RGS17: variants seen among roughly 807,000 people sequenced by gnomAD.
The protein encoded by RGS17 is regulator of G protein signaling 17, also known as regulator of G-protein signaling 17.
Under a neutral mutation model 25.5 loss-of-function variants are expected in RGS17, and 12 were observed. The ratio of observed to expected loss-of-function variants is 0.47; its 90% CI spans 0.30 to 0.76. The LOEUF is 0.76. Ranked by LOEUF, RGS17 falls within the 30% of genes least tolerant of loss-of-function variation. The pLI, the probability that RGS17 is intolerant of heterozygous loss-of-function variation, is 0.07. For synonymous variants in RGS17, 71 were observed against 76.9 expected (o/e 0.92, Z 0.40); for missense variants, 196 against 242.2 (o/e 0.81, Z 1.27).
At chr6:153,103,250 ATGG>A (rs1777331623) in intron 1 of RGS17, among the ~76,000 whole-genome samples, 1 of 152,260 alleles carries the variant, frequency 6.6e-6, no homozygotes, top group Non-Finnish European at 1.5e-5. Context: ...TTAAGGAATA[ATGG>A]GCTGAGATGT....
At chr6:153,067,732 A>AC (rs1396923121) in intron 1 of RGS17, among the ~76,000 whole-genome samples, 1 of 152,162 alleles carries the variant, frequency 6.6e-6, no homozygotes, top group African/African-American at 2.4e-5. Context: ...TGTCCATACT[A>AC]CCCCAAACAA....
chr6:153,115,902 C>T (rs1184489009), intron 1 of RGS17, among the ~76,000 whole-genome samples: 2 of 152,186 alleles, frequency 1.3e-5, no homozygotes, highest in South Asian at 2.1e-4. Context: ...ACCTTCCTTA[C>T]ACCTTATACA....
intron 1 of RGS17, among the ~76,000 whole-genome samples, chr6:153,110,674 C>T (rs1777456780): frequency 6.6e-6 from 1 of 152,210 alleles, no homozygotes; most frequent in African/African-American, 2.4e-5. Context: ...CAGCTCCAGT[C>T]TGCAGGTCAC....
At chr6:153,035,355 T>C (rs1776226023) in intron 2 of RGS17, among the ~76,000 whole-genome samples, 1 of 151,972 alleles carries the variant, frequency 6.6e-6, no homozygotes, top group Non-Finnish European at 1.5e-5. Context: ...ATAAAATCAA[T>C]TTCATTTTCA....
intron 1 of RGS17, among the ~76,000 whole-genome samples, chr6:153,088,057 G>A (rs1777076004): frequency 6.6e-6 from 1 of 152,118 alleles, no homozygotes; most frequent in African/African-American, 2.4e-5. Flanking sequence ...GTCATTTCAT[G>A]CCAGGGCACA....
chr6:153,024,623 C>T (rs1046192761), intron 3 of RGS17, 127 bp from the exon 4 acceptor site: 39 of 689,356 alleles, frequency 5.7e-5, no homozygotes, highest in Non-Finnish European at 8.2e-5. Context: ...TATTTTGCCA[C>T]TCAGTCCAGC....
intron 4 of RGS17, among the ~76,000 whole-genome samples, chr6:153,020,176 C>T (rs191807008): frequency 0.017 from 1,537 of 92,226 alleles, 29 homozygotes; most frequent in Admixed American, 0.082. Context: ...TTTTTTGAGA[C>T]AGAGTCTCGC....
At chr6:153,116,457 G>A (rs372885196) in intron 1 of RGS17, among the ~76,000 whole-genome samples, 22 of 152,116 alleles carry the variant, frequency 1.4e-4, no homozygotes, top group Admixed American at 6.6e-4. Flanking sequence ...AAATAGGAAC[G>A]CTTTTACACT....
chr6:153,104,351 G>A (rs1386582140), intron 1 of RGS17, among the ~76,000 whole-genome samples: 1 of 152,056 alleles, frequency 6.6e-6, no homozygotes, highest in African/African-American at 2.4e-5. Flanking sequence ...GAATAACCGG[G>A]CCTAAAAAAA....
intron 1 of RGS17, among the ~76,000 whole-genome samples, chr6:153,101,045 C>T (rs1383780741): frequency 6.6e-6 from 1 of 152,198 alleles, no homozygotes; most frequent in Non-Finnish European, 1.5e-5. Flanking sequence ...AATCTTTGCT[C>T]AAACTCGGTT....
At chr6:153,023,845 C>G (rs1779271131) in intron 4 of RGS17, among the ~76,000 whole-genome samples, 1 of 152,136 alleles carries the variant, frequency 6.6e-6, no homozygotes, top group South Asian at 2.1e-4. Context: ...TCCAAAAATT[C>G]AGATTCAGAA....
chr6:153,031,934 G>A (rs887011375), intron 2 of RGS17, among the ~76,000 whole-genome samples: 3 of 152,160 alleles, frequency 2.0e-5, no homozygotes, highest in Non-Finnish European at 4.4e-5. Context: ...GTGTGAAAGA[G>A]GAAGGACAAA....
chr6:153,090,958 C>T (rs1291360522), intron 1 of RGS17, among the ~76,000 whole-genome samples: 1 of 151,806 alleles, frequency 6.6e-6, no homozygotes. Context: ...TGGCTTATGC[C>T]CTACAATAAG....
chr6:153,123,539 T>C (rs768751590), intron 1 of RGS17, among the ~76,000 whole-genome samples: 23 of 152,212 alleles, frequency 1.5e-4, no homozygotes, highest in Non-Finnish European at 1.9e-4. Context: ...CAAATCTAAC[T>C]GCTAGATTTA....
In RGS17 at chr6:153,128,145, AT is replaced by A. The variant is rs1470253890; in HGVS notation, c.-26+2978del. Among the ~76,000 whole-genome samples the A allele has an allele frequency of 3.3e-5, 5 of 152,288 alleles. No individual in the cohort carries two copies. The East Asian group carries it at 9.6e-4, about 29-fold the overall frequency. On this transcript the variant is annotated intron_variant, in intron 1 of 4. Transcript: ENST00000206262. Reference sequence around the variant, plus strand: ...ATTTTAAGGTTTTCCATAAAAATATATTTGTCTGAGGACCCTTGACACTCCC... The same window carrying A: ...ATTTTAAGGTTTTCCATAAAAATATATTGTCTGAGGACCCTTGACACTCCC...
chr6:153,058,560 G>A (rs767315418), intron 1 of RGS17, among the ~76,000 whole-genome samples: 6 of 152,098 alleles, frequency 3.9e-5, no homozygotes, highest in East Asian at 1.9e-4. Context: ...GAAAGCATCC[G>A]GTTTTACCAT....
chr6:153,028,170 T>G (rs1210747638), intron 2 of RGS17, among the ~76,000 whole-genome samples: 1 of 152,138 alleles, frequency 6.6e-6, no homozygotes, highest in Non-Finnish European at 1.5e-5. Context: ...TAGGATTTCA[T>G]AGTGAAATAC....
intron 1 of RGS17, among the ~76,000 whole-genome samples, chr6:153,047,184 A>C (rs529525424): frequency 6.6e-6 from 1 of 152,198 alleles, no homozygotes; most frequent in Admixed American, 6.6e-5. Flanking sequence ...GATTACTCAA[A>C]TATTTGCTGG....
chr6:153,068,536 G>C (rs994400038), intron 1 of RGS17, among the ~76,000 whole-genome samples: 12 of 152,094 alleles, frequency 7.9e-5, no homozygotes, highest in African/African-American at 2.9e-4. Context: ...CTAGTACACT[G>C]GGCTGGACAA....
Sources: allele counts gnomAD v4.1 joint callset (sites outside exome capture counted in the v4.1 genomes callset), GRCh38; gene constraint gnomAD v4.1.1; transcripts MANE v1.5; gene names NCBI Gene and HGNC (gene_info 2026-07-23, HGNC 2026-07-21).